WDR7: variants seen among roughly 807,000 people sequenced by gnomAD.
The protein encoded by WDR7 is WD repeat-containing protein 7.
WDR7 carries 46 observed loss-of-function variants against 169.4 expected under a neutral mutation model. That is an observed-to-expected ratio of 0.27 (90% CI 0.21 to 0.35). WDR7 has a LOEUF of 0.35. Among genes scored for constraint, WDR7 ranks in the 10% least tolerant of loss-of-function variants. The pLI, the probability that WDR7 is intolerant of heterozygous loss-of-function variation, is 1.00. For synonymous variants in WDR7, 612 were observed against 666.8 expected (o/e 0.92, Z 1.27); for missense variants, 1,534 against 1,859.3 (o/e 0.83, Z 3.22).
intron 21 of WDR7, among the ~76,000 whole-genome samples, chr18:56,913,226 A>G (rs2046577144): frequency 6.6e-6 from 1 of 152,128 alleles, no homozygotes; most frequent in African/African-American, 2.4e-5. Flanking sequence ...TTGTGTATCC[A>G]GTGACTTAGC....
At chr18:56,951,844 A>G (rs868051468) in intron 25 of WDR7, among the ~76,000 whole-genome samples, 3 of 152,190 alleles carry the variant, frequency 2.0e-5, no homozygotes, top group Non-Finnish European at 4.4e-5. Context: ...ACTCTTAAAA[A>G]TTATTGAAGA....
intron 1 of WDR7, among the ~76,000 whole-genome samples, chr18:56,670,109 T>C (rs1568127631): frequency 1.3e-5 from 2 of 152,202 alleles, no homozygotes; most frequent in East Asian, 3.8e-4. Context: ...ATTTGCCCTT[T>C]TTTTTGTTTT....
At chr18:56,744,258 AAAAAAAAAAAAG>A (rs1454843669) in intron 14 of WDR7, among the ~76,000 whole-genome samples, 8 of 141,176 alleles carry the variant, frequency 5.7e-5, no homozygotes, top group Middle Eastern at 3.5e-3. Context: ...AAAAAAAAAA[AAAAAAAAAAAAG>A]AAAGAGCACA....
chr18:56,707,950 C>T (rs575123336), intron 12 of WDR7, among the ~76,000 whole-genome samples: 2 of 151,590 alleles, frequency 1.3e-5, no homozygotes, highest in African/African-American at 4.8e-5. Context: ...CAGTATCTGT[C>T]AACCCGTTTG....
At chr18:56,717,442 A>G (rs1017826568) in intron 12 of WDR7, among the ~76,000 whole-genome samples, 4 of 152,322 alleles carry the variant, frequency 2.6e-5, no homozygotes, top group South Asian at 4.1e-4. Context: ...ATAGGAATGC[A>G]TATCTACAGA....
At chr18:56,946,814 A>G (rs1029966937) in intron 25 of WDR7, among the ~76,000 whole-genome samples, 3 of 152,216 alleles carry the variant, frequency 2.0e-5, no homozygotes, top group Non-Finnish European at 4.4e-5. Context: ...ATTTTCTACA[A>G]TAAAAAAGAC....
intron 26 of WDR7, among the ~76,000 whole-genome samples, chr18:57,018,424 T>G (rs1226863275): frequency 6.6e-6 from 1 of 152,248 alleles, no homozygotes; most frequent in Admixed American, 6.5e-5. Context: ...ATAAGTGAGC[T>G]GGGCAGCCTG....
intron 21 of WDR7, among the ~76,000 whole-genome samples, chr18:56,900,911 A>G (rs960173082): frequency 6.6e-6 from 1 of 152,236 alleles, no homozygotes; most frequent in African/African-American, 2.4e-5. Flanking sequence ...ACATTCTGCC[A>G]GCTGGCAAAG....
intron 20 of WDR7, among the ~76,000 whole-genome samples, chr18:56,837,076 C>G (rs1315241557): frequency 6.6e-6 from 1 of 152,144 alleles, no homozygotes; most frequent in East Asian, 1.9e-4. Flanking sequence ...AGTTAAGATG[C>G]AATTTAATTT....
At chr18:56,943,439 G>A (rs562085358) in intron 25 of WDR7, among the ~76,000 whole-genome samples, 83 of 151,406 alleles carry the variant, frequency 5.5e-4, no homozygotes, top group Non-Finnish European at 1.0e-3. Context: ...GTCAGCATTC[G>A]GTTGCTGTGG....
At chr18:57,004,417 G>C (rs993897862) in intron 26 of WDR7, among the ~76,000 whole-genome samples, 1 of 152,094 alleles carries the variant, frequency 6.6e-6, no homozygotes, top group Non-Finnish European at 1.5e-5. Context: ...ATAGTACTTA[G>C]GAGATTGAAC....
Position 57,027,591 on chromosome 18 carries a change from C to T in WDR7, c.*384C>T, listed in dbSNP as rs72930681. The T allele has an allele frequency of 3.5e-3, 818 of 233,734 alleles. No homozygotes were observed. Among genetic ancestry groups the T allele is most frequent in the Non-Finnish European group, 5.3e-3 (630 of 119,912 alleles). 14.5% of individuals were successfully genotyped at this position (233,734 alleles called of 1,614,324 possible). ...AGCATTTTTAGCCATCTCAACCGCA[C>T]CTCTGAAGTGCTGCTTGAATCTGGC... On this transcript the variant is annotated 3_prime_UTR_variant, in exon 28 of 28. Transcript: ENST00000254442.
At chr18:56,988,588 CAAGT>C (rs1331316367) in intron 26 of WDR7, among the ~76,000 whole-genome samples, 1 of 106,988 alleles carries the variant, frequency 9.3e-6, no homozygotes, top group Admixed American at 1.0e-4. Context: ...TCATGGAAGG[CAAGT>C]GTGTGTGTGT....
intron 26 of WDR7, among the ~76,000 whole-genome samples, chr18:56,971,225 G>A (rs1823732832): frequency 6.6e-6 from 1 of 150,432 alleles, no homozygotes. Context: ...TTTGCAGTGA[G>A]CCGAGATCGC....
At chr18:56,764,112 G>T (rs1289087842) in intron 16 of WDR7, among the ~76,000 whole-genome samples, 3 of 151,454 alleles carry the variant, frequency 2.0e-5, no homozygotes, top group African/African-American at 7.3e-5. Context: ...ATTTCTTAAG[G>T]TAAAAGCTGA....
intron 20 of WDR7, among the ~76,000 whole-genome samples, chr18:56,878,759 T>C (rs1213807186): frequency 3.9e-5 from 6 of 152,222 alleles, no homozygotes; most frequent in Admixed American, 3.9e-4. Flanking sequence ...ATCTGCTTTC[T>C]GTCTCTATGG....
intron 20 of WDR7, among the ~76,000 whole-genome samples, chr18:56,863,649 G>A (rs1475521727): frequency 6.7e-6 from 1 of 149,448 alleles, no homozygotes; most frequent in Non-Finnish European, 1.5e-5. Flanking sequence ...GCTTTTCTAG[G>A]AAAGTAATTT....
intron 26 of WDR7, among the ~76,000 whole-genome samples, chr18:56,966,954 G>C (rs1002469291): frequency 6.6e-6 from 1 of 152,180 alleles, no homozygotes; most frequent in African/African-American, 2.4e-5. Flanking sequence ...TCAAAGGAGA[G>C]AGTCTGTGTC....
chr18:56,816,376 C>G (rs2044971317), intron 20 of WDR7, among the ~76,000 whole-genome samples: 1 of 152,174 alleles, frequency 6.6e-6, no homozygotes, highest in Admixed American at 6.5e-5. Context: ...AATAAACCTA[C>G]TAGCTGTGCA....
Sources: gnomAD v4.1 joint callset for allele counts (sites outside exome capture counted in the v4.1 genomes callset) on GRCh38, gnomAD v4.1.1 for gene constraint, MANE v1.5 for transcripts, NCBI Gene and HGNC (gene_info 2026-07-23, HGNC 2026-07-21) for gene names.